Variants in MTHFD1 observed in about 807,000 individuals in gnomAD.
MTHFD1 encodes C-1-tetrahydrofolate synthase, cytoplasmic.
Under a neutral mutation model 110.3 loss-of-function variants are expected in MTHFD1, and 44 were observed. That is an observed-to-expected ratio of 0.40 (90% CI 0.31 to 0.51). The LOEUF (loss-of-function observed/expected upper bound fraction) is 0.51. MTHFD1 is among the 20% of genes least tolerant of loss of function. The pLI is 0.60. For missense variants in MTHFD1, 909 were observed against 1,173.1 expected (o/e 0.77, Z 3.29); for synonymous variants, 402 against 428.8 (o/e 0.94, Z 0.77).
intron 15 of MTHFD1, among the ~76,000 whole-genome samples, chr14:64,434,387 C>T (rs1271559130): frequency 1.3e-5 from 2 of 151,928 alleles, no homozygotes; most frequent in Non-Finnish European, 2.9e-5. Flanking sequence ...CTCGTCTCTA[C>T]AAAAAAATTT....
chr14:64,458,960 A>C (rs1379864753), intron 27 of MTHFD1, among the ~76,000 whole-genome samples: 1 of 152,252 alleles, frequency 6.6e-6, no homozygotes, highest in African/African-American at 2.4e-5. Context: ...AATATCAAAC[A>C]TGAAAATCCT....
rs541335447 is a variant in MTHFD1, at chr14:64,435,769, T to G, written c.1597+98T>G. 8.8e-6 allele frequency: 7 copies of G among 793,832 alleles called. No homozygotes were observed. In the South Asian group the frequency reaches 9.8e-5, roughly 11 times the overall value. 49.2% of individuals were successfully genotyped at this position (793,832 alleles called of 1,614,324 possible). A position where few individuals can be genotyped will look rare whatever the true frequency, so the allele number is the denominator to read the frequency against. ...AAAATGTGAGGCTCAGAAGCTTCCA[T>G]GTTGGTATTTTACCAGCTAAGGCAT... On this transcript the variant is annotated intron_variant, in intron 16 of 27. Transcript: ENST00000652337.
intron 2 of MTHFD1, among the ~76,000 whole-genome samples, chr14:64,407,867 G>A (rs1225113804): frequency 6.6e-6 from 1 of 152,086 alleles, no homozygotes; most frequent in Non-Finnish European, 1.5e-5. Context: ...ATTTTTAACA[G>A]TATTCGGGAA....
At chr14:64,448,369 T>C in intron 23 of MTHFD1, 52 bp downstream of exon 23, 1 of 1,325,764 alleles carries the variant, frequency 7.5e-7, no homozygotes, top group South Asian at 1.2e-5. Context: ...CTCCTGGAGC[T>C]GATTGTACAG....
chr14:64,439,184 T>C lies in MTHFD1; in HGVS notation c.1674+12T>C. The C allele has an allele frequency of 6.2e-7, 1 of 1,609,564 alleles. No homozygotes were observed. Among genetic ancestry groups the C allele is most frequent in the East Asian group, 2.2e-5 (1 of 44,852 alleles). On this transcript the variant is annotated intron_variant, in intron 17 of 27. Transcript: ENST00000652337. ...GTCACACACGGACGGTAACAATTTGTCCCTTTCCAAGGAAATTAGTTCAGA... is the reference window on the plus strand; with the variant it reads ...GTCACACACGGACGGTAACAATTTGCCCCTTTCCAAGGAAATTAGTTCAGA...
In MTHFD1 at chr14:64,388,365, T is replaced by TG; in HGVS notation, c.-62dup. On this transcript the variant is annotated 5_prime_UTR_variant, in exon 1 of 28. Transcript: ENST00000652337. ...CGTGGGTTGGGTTGTCCTGCTTGGC[T>TG]GCGGAGGGAGTGGAACCTCGATATT... 1.2e-6 allele frequency: 2 copies of TG among 1,614,126 alleles called. No individual in the cohort carries two copies. Among genetic ancestry groups the TG allele is most frequent in the Non-Finnish European group, 1.7e-6 (2 of 1,179,992 alleles).
rs374113757 is a variant in MTHFD1 at position 64,426,097 on chromosome 14, G to A, written c.1032G>A (p.Glu344=). 5.0e-6 allele frequency: 8 copies of A among 1,614,094 alleles called. No homozygotes were observed. In the African/African-American group the frequency reaches 1.1e-4, roughly 22 times the overall value. Residue 344 remains glutamate (E), a synonymous_variant, in exon 11 of 28, where the codon GAG becomes GAA. Transcript: ENST00000652337. ...GAGAAATTGGTCTGCTGTCTGAAGA[G>A]GTAGAATTATATGGTGAAACAAAGG... is the stretch of plus-strand genomic sequence containing the variant. ...LAREIGLLSE[E]VELYGETKAK...
At position 64,418,171 on chromosome 14, in the gene MTHFD1, G is replaced by A. The variant is rs138303801; in HGVS notation, c.615+147G>A. The A allele has an allele frequency of 4.3e-4, 452 of 1,050,852 alleles. 2 individuals carry two copies. The African/African-American group carries it at 6.6e-3, about 15-fold the overall frequency. The allele number at this position is 1,050,852 out of a possible 1,614,324, so 65.1% of individuals were successfully genotyped here. ...AAAACAAATTCAAATTAAAGGCTGA[G>A]TGGGGTGGCTGACACCTGTAGTCCC... On this transcript the variant is annotated intron_variant, in intron 7 of 27. Transcript: ENST00000652337.
chr14:64,453,616 C>T (rs2078414956), intron 24 of MTHFD1, 138 bp from the exon 25 acceptor site: 2 of 682,664 alleles, frequency 2.9e-6, no homozygotes, highest in African/African-American at 1.8e-5. Flanking sequence ...CAACCTCAAA[C>T]TATTTGCTTA....
In MTHFD1 at chr14:64,453,749, A is replaced by C; in HGVS notation, c.2458-5A>C. 6.3e-7 allele frequency: 1 copy of C among 1,578,706 alleles called. No individual in the cohort carries two copies. The highest frequency in any genetic ancestry group is 8.7e-7 in the Non-Finnish European group (1 of 1,148,422). On this transcript the variant is annotated splice_region_variant and splice_polypyrimidine_tract_variant and intron_variant, in intron 24 of 27. Transcript: ENST00000652337. ...TGGTGTCCCCATCTCTTTCTTGTGC[A>C]TTAGCTCCCAGTTGAGGATAAAATC...
intron 8 of MTHFD1, chr14:64,422,969 G>A (rs1596542857): frequency 6.6e-6 from 1 of 152,150 alleles, no homozygotes; most frequent in South Asian, 2.1e-4. Flanking sequence ...TCAAAGATAT[G>A]TGTCTCTTAC....
At chr14:64,415,027 ATT>A (rs2078014641) in intron 4 of MTHFD1, among the ~76,000 whole-genome samples, 1 of 151,866 alleles carries the variant, frequency 6.6e-6, no homozygotes, top group Admixed American at 6.6e-5. Context: ...TAGATATCAC[ATT>A]TCACTGTGTT....
rs1424670112 is a variant in MTHFD1 at position 64,460,014 on chromosome 14, T to G, written c.*260T>G. On this transcript the variant is annotated 3_prime_UTR_variant, in exon 28 of 28. Transcript: ENST00000652337. The stretch of plus-strand genomic sequence containing the variant: ...AGGAAACAAGTTTGCCATCTTGGTG[T>G]TGCAATATGAATTACAGCCTTAACA... The G allele has an allele frequency of 8.2e-7, 1 of 1,217,018 alleles. No individual in the cohort carries two copies. Among genetic ancestry groups the G allele is most frequent in the African/African-American group, 1.5e-5 (1 of 65,946 alleles). 75.4% of individuals were successfully genotyped at this position (1,217,018 alleles called of 1,614,324 possible). A position where few individuals can be genotyped will look rare whatever the true frequency, so the allele number is the denominator to read the frequency against.
Position 64,427,489 on chromosome 14 carries a change from G to A in MTHFD1, c.1264+16G>A, listed in dbSNP as rs916709238. 4 of 1,613,712 alleles carry A rather than the reference G, an allele frequency of 2.5e-6. No individual in the cohort carries two copies. The highest frequency in any genetic ancestry group is 1.7e-5 in the Admixed American group (1 of 60,004). The stretch of plus-strand genomic sequence containing the variant: ...GGAATAAAAGGTACTAGTGAGACTG[G>A]ACCATGGGTGGTGACAGGGGACCTG... On this transcript the variant is annotated intron_variant, in intron 12 of 27. Transcript: ENST00000652337.
intron 26 of MTHFD1, 132 bp from the exon 27 acceptor site, chr14:64,458,082 G>C (rs1261184326): frequency 3.9e-6 from 3 of 768,972 alleles, no homozygotes; most frequent in South Asian, 2.7e-5. Context: ...TAGAGATGGG[G>C]GTCTCACTAT....
chr14:64,389,285 G>A (rs554101235), intron 1 of MTHFD1, among the ~76,000 whole-genome samples: 1 of 152,310 alleles, frequency 6.6e-6, no homozygotes, highest in East Asian at 1.9e-4. Flanking sequence ...ACCTTACTGA[G>A]TTTGCTCTTG....
Position 64,389,076 on chromosome 14 carries a change from A to T in MTHFD1, c.41+608A>T, listed in dbSNP as rs3783732. 1.3e-3 allele frequency: 204 copies of T among 153,332 alleles called. 4 individuals are homozygous for T. In the South Asian group the frequency reaches 0.019, roughly 15 times the overall value. 9.5% of individuals were successfully genotyped at this position (153,332 alleles called of 1,614,324 possible). A position where few individuals can be genotyped will look rare whatever the true frequency, so the allele number is the denominator to read the frequency against. ...GAGTCCTGAGAATATTCTGCATTCC[A>T]CTTGACCTCTGCCTGTTCTACCCTT... is the stretch of plus-strand genomic sequence containing the variant. On this transcript the variant is annotated intron_variant, in intron 1 of 27. Transcript: ENST00000652337.
chr14:64,409,366 T>C (rs2077963743), intron 2 of MTHFD1, among the ~76,000 whole-genome samples: 3 of 152,216 alleles, frequency 2.0e-5, no homozygotes, highest in South Asian at 4.1e-4. Context: ...GAAACATGAA[T>C]GAAGATAAAT....
rs781698121 is a variant in MTHFD1 at position 64,417,927 on chromosome 14, G to A, written c.518G>A (p.Arg173His). 7.4e-6 allele frequency: 12 copies of A among 1,613,196 alleles called. No homozygotes were observed. Among genetic ancestry groups the A allele is most frequent in the Non-Finnish European group, 1.0e-5 (12 of 1,180,006 alleles). ...GGAAGGCATGCTGTGGTGGTTGGGC[G>A]CAGTAAAATAGTTGGGGCCCCGATG... The part of the protein sequence containing the change: ...IAGRHAVVVG[R>H]SKIVGAPMHD... The change falls in exon 7 of 28, where the codon CGC becomes CAC. Residue 173 changes from arginine to histidine, a missense_variant. By Grantham distance (29) the Arg-to-His change is conservative. This residue lies in a region of MTHFD1 where 424 missense variants were observed against 510.4 expected (regional missense o/e 0.83). Coordinates refer to ENST00000652337, the MANE Select transcript of MTHFD1 (RefSeq NM_005956.4). This position sits in a 1 kb window ranked among gnomAD's most constrained non-coding sequence, Gnocchi z 4.4.
Sources: gnomAD v4.1 joint callset for allele counts (sites outside exome capture counted in the v4.1 genomes callset) on GRCh38, gnomAD v4.1.1 for gene constraint, gnomAD v4.1.1 regional missense constraint, Gnocchi (gnomAD v3.1) non-coding constraint, MANE v1.5 for transcripts, NCBI Gene and HGNC (gene_info 2026-07-23, HGNC 2026-07-21) for gene names.